RBM33: variants seen among roughly 807,000 people sequenced by gnomAD.
RBM33 encodes the protein RNA binding motif protein 33.
A neutral mutation model predicts 132.6 loss-of-function variants in RBM33; 28 were observed. That is an observed-to-expected ratio of 0.21 (90% CI 0.16 to 0.29). RBM33 has a LOEUF of 0.29. RBM33 is among the 10% of genes least tolerant of loss of function. RBM33 has a pLI of 1.00. For missense variants in RBM33, 1,291 were observed against 1,518.5 expected (o/e 0.85, Z 2.49); for synonymous variants, 634 against 593.0 (o/e 1.07, Z -1.01).
intron 1 of RBM33, among the ~76,000 whole-genome samples, chr7:155,648,697 G>T (rs1798268994): frequency 2.6e-5 from 4 of 152,082 alleles, no homozygotes; most frequent in Non-Finnish European, 5.9e-5. Flanking sequence ...GAGGAGTCGG[G>T]AAAGAATAGC....
chr7:155,678,588 A>G lies in RBM33; in HGVS notation c.172-20A>G, dbSNP rs1463255684. On this transcript the variant is annotated intron_variant, in intron 3 of 17. Coordinates refer to ENST00000401878, the MANE Select transcript of RBM33 (RefSeq NM_053043.3). Reference sequence around the variant, plus strand: ...TTTATGGAAGTGACACACATTAATTATATTTCTTATTTTAATTAGAATCAG... The same window carrying G: ...TTTATGGAAGTGACACACATTAATTGTATTTCTTATTTTAATTAGAATCAG... The G allele has an allele frequency of 1.4e-6, 2 of 1,410,416 alleles. No homozygotes were observed. The highest frequency in any genetic ancestry group is 1.3e-5 in the South Asian group (1 of 78,884). 87.4% of individuals were successfully genotyped at this position (1,410,416 alleles called of 1,614,324 possible).
At chr7:155,700,625 G>A (rs1167861648) in intron 5 of RBM33, 148 bp from the exon 6 acceptor site, 1 of 403,258 alleles carries the variant, frequency 2.5e-6, no homozygotes. Flanking sequence ...AGTCAGCTTA[G>A]GGTTTCATGT....
In RBM33 at chr7:155,766,500, G is replaced by A. The variant is rs553761355; in HGVS notation, c.3220G>A (p.Gly1074Ser). 42 of 1,613,564 alleles carry A rather than the reference G, an allele frequency of 2.6e-5. No homozygotes were observed. Among genetic ancestry groups the A allele is most frequent in the Non-Finnish European group, 3.3e-5 (39 of 1,179,796 alleles). The change falls in exon 16 of 18, where the codon GGT (glycine) becomes AGT (serine). Residue 1074 changes from glycine (G) to serine (S), a missense_variant. Physicochemically the swap from Gly to Ser is moderately conservative, Grantham distance 56. Around this residue, in one of 7 missense-constraint regions of RBM33, gnomAD observed 841 missense variants for 912.0 expected, o/e 0.92. Transcript: ENST00000401878. ...IMHGRGRGVAGPMGRGRLMPN... is the reference protein window; with the variant it reads ...IMHGRGRGVASPMGRGRLMPN... ...GCACGGACGAGGCAGAGGAGTGGCC[G>A]GTCCCATGGGCCGGGGGCGCCTGAT...
In RBM33 at chr7:155,777,368, AT is replaced by A. The variant is rs1802648775; in HGVS notation, c.*2329del. 1 of 152,302 alleles carries A rather than the reference AT, an allele frequency of 6.6e-6. No individual in the cohort carries two copies. Among genetic ancestry groups the A allele is most frequent in the Non-Finnish European group, 1.5e-5 (1 of 68,070 alleles). The allele number at this position is 152,302 out of a possible 1,614,324, so 9.4% of individuals were successfully genotyped here. A position where few individuals can be genotyped will look rare whatever the true frequency, so the allele number is the denominator to read the frequency against. ...CATGCAGGCCCGCCTTAAAGCGCTG[AT>A]TAGAACAGTCCAACACAGTCCGACC... On this transcript the variant is annotated 3_prime_UTR_variant, in exon 18 of 18. Transcript: ENST00000401878.
chr7:155,773,731 A>G (rs1802514512), intron 16 of RBM33, among the ~76,000 whole-genome samples: 1 of 152,040 alleles, frequency 6.6e-6, no homozygotes, highest in Non-Finnish European at 1.5e-5. Context: ...AGATCCACAG[A>G]TGGCTGTGCT....
At chr7:155,741,208 T>G (rs1393417993) in intron 12 of RBM33, among the ~76,000 whole-genome samples, 1 of 151,188 alleles carries the variant, frequency 6.6e-6, no homozygotes, top group African/African-American at 2.4e-5. Context: ...ACCTCGGAGA[T>G]CCCCCTGCTT....
chr7:155,716,901 T>A (rs1800477398), intron 8 of RBM33, among the ~76,000 whole-genome samples: 3 of 152,204 alleles, frequency 2.0e-5, no homozygotes, highest in Admixed American at 2.0e-4. Context: ...AAGTAAGTTT[T>A]GTTTCAGTCA....
rs1249085372 is a variant in RBM33, at chr7:155,644,830, C to G, written c.-47C>G. The G allele has an allele frequency of 1.4e-6, 2 of 1,446,548 alleles. No homozygotes were observed. Among genetic ancestry groups the G allele is most frequent in the Admixed American group, 2.4e-5 (1 of 41,902 alleles). The allele number at this position is 1,446,548 out of a possible 1,614,324, so 89.6% of individuals were successfully genotyped here. A position where few individuals can be genotyped will look rare whatever the true frequency, so the allele number is the denominator to read the frequency against. ...GGCCCGGACCAGGCACGTCGGCCCA[C>G]CAGCTGGCTTGGTGGGGGAGGCTGA... On this transcript the variant is annotated 5_prime_UTR_variant, in exon 1 of 18. Transcript: ENST00000401878.
At chr7:155,646,145 T>C (rs1798183451) in intron 1 of RBM33, among the ~76,000 whole-genome samples, 1 of 152,224 alleles carries the variant, frequency 6.6e-6, no homozygotes, top group South Asian at 2.1e-4. Flanking sequence ...TTAGAAAGAC[T>C]AAGGTGTTAT....
At position 155,774,779 on chromosome 7, in the gene RBM33, GC is replaced by G; in HGVS notation, c.3464+133del. The G allele has an allele frequency of 2.4e-6, 2 of 850,004 alleles. No homozygotes were observed. The highest frequency in any genetic ancestry group is 3.9e-6 in the Non-Finnish European group (2 of 508,032). The allele number at this position is 850,004 out of a possible 1,614,324, so 52.7% of individuals were successfully genotyped here. A position where few individuals can be genotyped will look rare whatever the true frequency, so the allele number is the denominator to read the frequency against. Reference sequence around the variant, plus strand: ...CTGTAGAAGGACACTAGGGCACAAAGCGCAGACGGTGATCCTGTCATGAGGC... The same window carrying G: ...CTGTAGAAGGACACTAGGGCACAAAGGCAGACGGTGATCCTGTCATGAGGC... On this transcript the variant is annotated intron_variant, in intron 17 of 17. Transcript: ENST00000401878. This position sits in a 1 kb window ranked among gnomAD's most constrained non-coding sequence, Gnocchi z 4.2.
At chr7:155,645,871 T>C (rs1441286909) in intron 1 of RBM33, among the ~76,000 whole-genome samples, 1 of 152,208 alleles carries the variant, frequency 6.6e-6, no homozygotes, top group Non-Finnish European at 1.5e-5. Flanking sequence ...TCATCCTGTT[T>C]AGGAATTTTG....
intron 16 of RBM33, 93 bp downstream of exon 16, chr7:155,766,748 C>A: frequency 8.4e-7 from 1 of 1,188,886 alleles, no homozygotes; most frequent in Non-Finnish European, 1.2e-6. Flanking sequence ...TTTGTGTTGG[C>A]TACTTCATAT....
intron 7 of RBM33, among the ~76,000 whole-genome samples, chr7:155,707,775 AT>A: frequency 6.6e-6 from 1 of 152,112 alleles, no homozygotes; most frequent in South Asian, 2.1e-4. Flanking sequence ...TCCTGCCTCA[AT>A]CTCTTTAGTA....
At chr7:155,710,675 G>T (rs1176033965) in intron 7 of RBM33, among the ~76,000 whole-genome samples, 1 of 152,040 alleles carries the variant, frequency 6.6e-6, no homozygotes, top group Non-Finnish European at 1.5e-5. Context: ...CCGAGTTCAG[G>T]TGTCACCCTC....
At chr7:155,677,407 A>G (rs1384457921) in intron 3 of RBM33, among the ~76,000 whole-genome samples, 1 of 151,926 alleles carries the variant, frequency 6.6e-6, no homozygotes, top group Non-Finnish European at 1.5e-5. Context: ...TCAGGGTTTC[A>G]CCATGTTGGC....
At chr7:155,746,400 A>G (rs1440826624) in intron 14 of RBM33, 2 of 150,822 alleles carry the variant, frequency 1.3e-5, no homozygotes, top group Non-Finnish European at 1.5e-5. Context: ...TAGAATTGAG[A>G]ATTGAAGTCC....
rs1160371840 is a variant in RBM33 at position 155,778,764 on chromosome 7, G to C, written c.*3723G>C. ...TTTTGGCTTTTGTTGTTTTTGTTTT[G>C]TTCTGTTTGTTTTGTTTTGTATTTC... On this transcript the variant is annotated 3_prime_UTR_variant, in exon 18 of 18. Coordinates refer to ENST00000401878, the MANE Select transcript of RBM33 (RefSeq NM_053043.3). This position sits in a 1 kb window ranked among gnomAD's most constrained non-coding sequence, Gnocchi z 4.0. 5 of 152,436 alleles carry C rather than the reference G, an allele frequency of 3.3e-5. No homozygotes were observed. Among genetic ancestry groups the C allele is most frequent in the Non-Finnish European group, 5.9e-5 (4 of 68,124 alleles). 9.4% of individuals were successfully genotyped at this position (152,436 alleles called of 1,614,324 possible). A position where few individuals can be genotyped will look rare whatever the true frequency, so the allele number is the denominator to read the frequency against.
chr7:155,674,724 C>G (rs1341294237), intron 3 of RBM33, among the ~76,000 whole-genome samples: 1 of 152,138 alleles, frequency 6.6e-6, no homozygotes, highest in East Asian at 1.9e-4. Flanking sequence ...TTGTAAGTTG[C>G]TCATGTGGGC....
chr7:155,739,983 G>A lies in RBM33; in HGVS notation c.2006G>A (p.Ser669Asn), dbSNP rs776268728. 1.3e-6 allele frequency: 2 copies of A among 1,565,938 alleles called. No homozygotes were observed. The change falls in exon 12 of 18, where the codon AGC (serine) becomes AAC (asparagine). Residue 669 changes from serine to asparagine, a missense_variant. This residue lies in a region of RBM33 where 841 missense variants were observed against 912.0 expected (regional missense o/e 0.92). Transcript: ENST00000401878. ...PHVQTAQPQA[S>N]SSRMQCPQRQ... ...GTACAGACCGCTCAGCCTCAGGCCA[G>A]CAGCAGCCGGATGCAGTGCCCCCAG...
Sources: gnomAD v4.1 joint callset for allele counts (sites outside exome capture counted in the v4.1 genomes callset) on GRCh38, gnomAD v4.1.1 for gene constraint, gnomAD v4.1.1 regional missense constraint, Gnocchi (gnomAD v3.1) non-coding constraint, MANE v1.5 for transcripts, NCBI Gene and HGNC (gene_info 2026-07-23, HGNC 2026-07-21) for gene names.